Variants in ETV6 observed in about 807,000 individuals in gnomAD.
ETV6 encodes ETS variant transcription factor 6, also known as transcription factor ETV6.
In ETV6, 16 loss-of-function variants were observed where a neutral mutation model predicts 51.1. The observed-to-expected ratio is 0.31, with a 90% CI of 0.21 to 0.48. The LOEUF (loss-of-function observed/expected upper bound fraction) is 0.48, where lower values mean the gene tolerates loss of function less well. Among genes scored for constraint, ETV6 ranks in the 20% least tolerant of loss-of-function variants. The pLI is 0.99. For missense variants in ETV6, 458 were observed against 594.8 expected, an observed-to-expected ratio of 0.77 and a Z score of 2.39; for synonymous variants, 240 against 224.1, an observed-to-expected ratio of 1.07 and a Z score of -0.64.
At chr12:11,890,136 T>C (rs1947264261) in intron 7 of ETV6, among the ~76,000 whole-genome samples, 1 of 151,896 alleles carries the variant, frequency 6.6e-6, no homozygotes, top group Admixed American at 6.6e-5. Context: ...TTTTTTTTTT[T>C]TTTTTTTGCC....
At chr12:11,793,750 C>T (rs1029369641) in intron 2 of ETV6, among the ~76,000 whole-genome samples, 2 of 152,144 alleles carry the variant, frequency 1.3e-5, no homozygotes, top group Non-Finnish European at 2.9e-5. Context: ...CCTTGCGTAG[C>T]GCTATGTGAC....
intron 2 of ETV6, among the ~76,000 whole-genome samples, chr12:11,789,268 A>AAG (rs1945542437): frequency 6.6e-6 from 1 of 151,902 alleles, no homozygotes; most frequent in African/African-American, 2.4e-5. Context: ...TCCTGACCTC[A>AAG]CGATTCGCCC....
At chr12:11,704,519 G>C (rs1473480206) in intron 1 of ETV6, among the ~76,000 whole-genome samples, 6 of 152,008 alleles carry the variant, frequency 3.9e-5, no homozygotes, top group African/African-American at 1.5e-4. Context: ...GCTAATTTTT[G>C]TATTTTTAGT....
intron 2 of ETV6, among the ~76,000 whole-genome samples, chr12:11,838,038 A>G (rs1396401904): frequency 6.6e-6 from 1 of 152,238 alleles, no homozygotes; most frequent in Non-Finnish European, 1.5e-5. Flanking sequence ...CAAACCAAAA[A>G]TAATTTGTGA....
intron 5 of ETV6, among the ~76,000 whole-genome samples, chr12:11,875,781 G>A (rs1202436847): frequency 6.6e-6 from 1 of 152,162 alleles, no homozygotes; most frequent in Non-Finnish European, 1.5e-5. Flanking sequence ...CAAAGTGTGA[G>A]CCAAATCCAG....
intron 1 of ETV6, among the ~76,000 whole-genome samples, chr12:11,716,330 C>CAAAAA (rs3049068): frequency 2.8e-4 from 16 of 58,118 alleles, no homozygotes; most frequent in African/African-American, 7.5e-4. Context: ...GACTCCTTCT[C>CAAAAA]AAAAAAAAAA....
At chr12:11,791,493 C>T (rs1163280602) in intron 2 of ETV6, among the ~76,000 whole-genome samples, 1 of 152,172 alleles carries the variant, frequency 6.6e-6, no homozygotes, top group African/African-American at 2.4e-5. Context: ...ACCCTTAGAC[C>T]AGTACAACTT....
Position 11,699,816 on chromosome 12 carries a change from C to T in ETV6, c.33+49656C>T, listed in dbSNP as rs145802953. Among the ~76,000 whole-genome samples the T allele has an allele frequency of 1.8e-4, 28 of 152,188 alleles. 1 individual carries two copies. Among genetic ancestry groups the T allele is most frequent in the African/African-American group, 6.7e-4 (28 of 41,516 alleles). ...GGAGGACCTTCGAGTATACTGCGTT[C>T]CCCCTCCTCATTCACTAGGGAGGAT... On this transcript the variant is annotated intron_variant, in intron 1 of 7. Transcript: ENST00000396373.
At position 11,650,079 on chromosome 12, in the gene ETV6, G is replaced by A; in HGVS notation, c.-49G>A. 1 of 1,589,564 alleles carries A rather than the reference G, an allele frequency of 6.3e-7. No individual in the cohort carries two copies. Among genetic ancestry groups the A allele is most frequent in the South Asian group, 1.1e-5 (1 of 90,546 alleles). On this transcript the variant is annotated 5_prime_UTR_variant, in exon 1 of 8. Coordinates refer to ENST00000396373, the MANE Select transcript of ETV6 (RefSeq NM_001987.5). ...GCCTTTCTGGGTTGGGGAGAGGAAA[G>A]GAAAGTGGAAAAAACCTGAGAACTT...
chr12:11,719,575 C>T (rs1865343407), intron 1 of ETV6, among the ~76,000 whole-genome samples: 1 of 152,324 alleles, frequency 6.6e-6, no homozygotes, highest in Non-Finnish European at 1.5e-5. Flanking sequence ...TGTAATTTTA[C>T]AGGGCTCTGA....
intron 2 of ETV6, among the ~76,000 whole-genome samples, chr12:11,800,993 G>C (rs1945740451): frequency 6.6e-6 from 1 of 152,208 alleles, no homozygotes. Context: ...ACTAGGTTTA[G>C]TCCGCCCTCC....
intron 1 of ETV6, among the ~76,000 whole-genome samples, chr12:11,700,695 A>T (rs899450718): frequency 3.3e-5 from 5 of 152,232 alleles, no homozygotes; most frequent in African/African-American, 7.2e-5. Context: ...TTTACCGTTC[A>T]TTAAGTGGAA....
intron 1 of ETV6, among the ~76,000 whole-genome samples, chr12:11,683,833 T>C (rs542164064): frequency 6.6e-6 from 1 of 152,288 alleles, no homozygotes; most frequent in East Asian, 1.9e-4. Flanking sequence ...TACCTTTTTT[T>C]CCTGTGGCAT....
chr12:11,762,263 G>A (rs1014789465), intron 2 of ETV6, among the ~76,000 whole-genome samples: 1 of 152,234 alleles, frequency 6.6e-6, no homozygotes, highest in Non-Finnish European at 1.5e-5. Flanking sequence ...TTTCTGGCCT[G>A]AGAATTGTCT....
chr12:11,822,206 G>A (rs960221107), intron 2 of ETV6, among the ~76,000 whole-genome samples: 35 of 152,236 alleles, frequency 2.3e-4, no homozygotes, highest in African/African-American at 8.4e-4. Flanking sequence ...ACGGATGGGT[G>A]AGTGGGTGAG....
At chr12:11,743,194 T>C (rs1016055810) in intron 1 of ETV6, among the ~76,000 whole-genome samples, 1 of 152,232 alleles carries the variant, frequency 6.6e-6, no homozygotes, top group Non-Finnish European at 1.5e-5. Flanking sequence ...GAGGAGACAT[T>C]GACTCATTTC....
intron 4 of ETV6, among the ~76,000 whole-genome samples, chr12:11,866,334 C>T (rs1946790392): frequency 1.3e-5 from 2 of 152,182 alleles, no homozygotes; most frequent in African/African-American, 2.4e-5. Flanking sequence ...TTAACTCCAA[C>T]ATCTGCATTA....
rs118032345 is a variant in ETV6, at chr12:11,668,861, G to A, written c.33+18701G>A. On this transcript the variant is annotated intron_variant, in intron 1 of 7. Coordinates refer to ENST00000396373, the MANE Select transcript of ETV6 (RefSeq NM_001987.5). ...TCAGAGCAGGATGTTGGACGTTGTG[G>A]GCCAGCAGACTGGTTCCTTTGGCAC... Among the ~76,000 whole-genome samples, 4 of 152,220 alleles carry A rather than the reference G, an allele frequency of 2.6e-5. No homozygotes were observed. The East Asian group carries it at 7.7e-4, about 29-fold the overall frequency.
At chr12:11,847,519 G>C (rs1272828437) in intron 3 of ETV6, among the ~76,000 whole-genome samples, 1 of 152,198 alleles carries the variant, frequency 6.6e-6, no homozygotes, top group African/African-American at 2.4e-5. Flanking sequence ...AGGAGGAAGA[G>C]CAGAGAAGTA....
Sources: allele counts gnomAD v4.1 joint callset (sites outside exome capture counted in the v4.1 genomes callset), GRCh38; gene constraint gnomAD v4.1.1; transcripts MANE v1.5; gene names NCBI Gene and HGNC (gene_info 2026-07-23, HGNC 2026-07-21).